DBI: variants seen among roughly 807,000 people sequenced by gnomAD.
The protein encoded by DBI is diazepam binding inhibitor, acyl-CoA binding protein.
In DBI, 12 loss-of-function variants were observed where a neutral mutation model predicts 13.0. The observed-to-expected ratio is 0.92, with a 90% confidence interval of 0.59 to 1.49. The LOEUF (loss-of-function observed/expected upper bound fraction) is 1.49, where lower values mean the gene tolerates loss of function less well. Among genes scored for constraint, DBI ranks in the 40% most tolerant of loss-of-function variants. The pLI is 0.00. For missense variants in DBI, 95 were observed against 104.8 expected (o/e 0.91, Z 0.41); for synonymous variants, 37 against 37.4 (o/e 0.99, Z 0.04).
chr2:119,372,115 T>C lies in DBI; in HGVS notation c.191-130T>C, dbSNP rs983323678. The C allele has an allele frequency of 4.4e-6, 3 of 680,438 alleles. No individual in the cohort carries two copies. In the African/African-American group the frequency reaches 5.4e-5, roughly 12 times the overall value. The allele number at this position is 680,438 out of a possible 1,614,324, so 42.2% of individuals were successfully genotyped here. A position where few individuals can be genotyped will look rare whatever the true frequency, so the allele number is the denominator to read the frequency against. ...TGTGGATACTGTCTCCTGTAATTAGTAGAATCTCAACTTTATTAAGTGAGA... is the reference window on the plus strand; with the variant it reads ...TGTGGATACTGTCTCCTGTAATTAGCAGAATCTCAACTTTATTAAGTGAGA... On this transcript the variant is annotated intron_variant, in intron 3 of 3. Coordinates refer to ENST00000355857, the MANE Select transcript of DBI (RefSeq NM_001079862.4).
intron 2 of DBI, 185 bp downstream of exon 2, chr2:119,368,490 A>G: frequency 1.7e-6 from 1 of 585,014 alleles, no homozygotes; most frequent in Non-Finnish European, 3.1e-6. Flanking sequence ...GTAGTAACAG[A>G]ATTCAAATCC....
At chr2:119,369,221 G>A (rs902498496) in intron 2 of DBI, among the ~76,000 whole-genome samples, 1 of 152,232 alleles carries the variant, frequency 6.6e-6, no homozygotes, top group African/African-American at 2.4e-5. Context: ...TCCAGGGAGG[G>A]GAAGGAAAGG....
chr2:119,370,918 C>G (rs1314196332), intron 3 of DBI, 116 bp downstream of exon 3: 1 of 882,580 alleles, frequency 1.1e-6, no homozygotes, highest in Non-Finnish European at 1.7e-6. Context: ...TGTGGGAAAC[C>G]AGCCTGACCT....
At chr2:119,371,785 G>T (rs1448526157) in intron 3 of DBI, among the ~76,000 whole-genome samples, 1 of 152,248 alleles carries the variant, frequency 6.6e-6, no homozygotes. Context: ...GGGGAGAAGA[G>T]GGTGCCTGGC....
intron 1 of DBI, 184 bp from the exon 2 acceptor site, chr2:119,368,004 A>G (rs891967202): frequency 6.2e-7 from 1 of 1,606,870 alleles, no homozygotes; most frequent in Middle Eastern, 1.7e-4. Context: ...GTGTTGCTGA[A>G]TCTTTCTAGC....
At position 119,368,489 on chromosome 2, in the gene DBI, G is replaced by A; in HGVS notation, c.127+184G>A. The A allele has an allele frequency of 5.1e-6, 3 of 586,986 alleles. No individual in the cohort carries two copies. In the South Asian group the frequency reaches 6.0e-5, roughly 12 times the overall value. 36.4% of individuals were successfully genotyped at this position (586,986 alleles called of 1,614,324 possible). A position where few individuals can be genotyped will look rare whatever the true frequency, so the allele number is the denominator to read the frequency against. On this transcript the variant is annotated intron_variant, in intron 2 of 3. Coordinates refer to ENST00000355857, the MANE Select transcript of DBI (RefSeq NM_001079862.4). ...ATTCTCAGTGTCTCCAGTAGTAACA[G>A]AATTCAAATCCTGGTTTTAGAAGGT...
At chr2:119,368,051 GGGGC>G (rs1299058099) in intron 1 of DBI, 133 bp from the exon 2 acceptor site, 1 of 1,537,060 alleles carries the variant, frequency 6.5e-7, no homozygotes, top group Non-Finnish European at 9.0e-7. Context: ...ACACACTTCA[GGGGC>G]TGCATTGCCC....
intron 2 of DBI, among the ~76,000 whole-genome samples, chr2:119,369,492 T>A (rs926634275): frequency 4.6e-5 from 7 of 152,174 alleles, no homozygotes; most frequent in African/African-American, 1.7e-4. Flanking sequence ...TATGACTATA[T>A]AAATTTTAAC....
At chr2:119,370,448 GTA>G in intron 2 of DBI, 1 of 225,350 alleles carries the variant, frequency 4.4e-6, no homozygotes, top group Non-Finnish European at 8.5e-6. Context: ...TTTTTTAATT[GTA>G]ATTAAAGTAT....
chr2:119,368,130 T>G, intron 1 of DBI, 58 bp from the exon 2 acceptor site: 1 of 1,539,920 alleles, frequency 6.5e-7, no homozygotes, highest in Non-Finnish European at 9.0e-7. Context: ...CACAGTAGGA[T>G]TCTTACCCTC....
At chr2:119,368,370 A>T (rs1681244406) in intron 2 of DBI, 65 bp downstream of exon 2, 1 of 1,201,834 alleles carries the variant, frequency 8.3e-7, no homozygotes, top group Non-Finnish European at 1.2e-6. Flanking sequence ...TCAGACTGGA[A>T]GTCCCTGGGA....
rs8192504 is a variant in DBI at position 119,368,293 on chromosome 2, G to A, written c.115G>A (p.Asp39Asn). The A allele has an allele frequency of 3.1e-3, 4,954 of 1,613,014 alleles. 47 individuals carry two copies. Among genetic ancestry groups the A allele is most frequent in the Non-Finnish European group, 2.3e-3 (2,701 of 1,179,016 alleles). Residue 39 changes from aspartate to asparagine, a missense_variant, in exon 2 of 4, where the codon GAC (aspartate) becomes AAC (asparagine). Asp to Asn is a conservative substitution (Grantham distance 23). Coordinates refer to ENST00000355857, the MANE Select transcript of DBI (RefSeq NM_001079862.4). ...YGHYKQATVGDINTERPGMLD... is the reference protein window; with the variant it reads ...YGHYKQATVGNINTERPGMLD... ...CCACTACAAACAAGCAACTGTGGGC[G>A]ACATAAATACAGGTATGCAGAGCGG...
chr2:119,367,657 C>A, intron 1 of DBI: 1 of 1,613,900 alleles, frequency 6.2e-7, no homozygotes, highest in Non-Finnish European at 8.5e-7. Flanking sequence ...CGGTGTTGAA[C>A]GCGCGGGCCC....
chr2:119,372,099 T>C (rs753301465), intron 3 of DBI, 146 bp from the exon 4 acceptor site: 16 of 629,446 alleles, frequency 2.5e-5, no homozygotes, highest in Admixed American at 2.0e-4. Flanking sequence ...CTGTGGATAC[T>C]GTCTCCTGTA....
Position 119,368,316 on chromosome 2 carries a change from CG to C in DBI, c.127+16del. On this transcript the variant is annotated intron_variant, in intron 2 of 3. Transcript: ENST00000355857. ...GCGACATAAATACAGGTATGCAGAG[CG>C]GGGGTTGGAAGGGCATCTGCTCATC... The C allele has an allele frequency of 6.2e-7, 1 of 1,600,322 alleles. No homozygotes were observed. Among genetic ancestry groups the C allele is most frequent in the Non-Finnish European group, 8.6e-7 (1 of 1,167,510 alleles).
chr2:119,367,064 C>T lies in DBI; in HGVS notation c.9+4C>T, dbSNP rs1408938500. 1 of 1,614,052 alleles carries T rather than the reference C, an allele frequency of 6.2e-7. No individual in the cohort carries two copies. Among genetic ancestry groups the T allele is most frequent in the South Asian group, 1.1e-5 (1 of 91,080 alleles). ...CAAGTCGGCCAGGATGTCTCAGGTA[C>T]AGCGCGTGCACAGCCAGGCTGCGAA... is the stretch of plus-strand genomic sequence containing the variant. On this transcript the variant is annotated splice_donor_region_variant and intron_variant, in intron 1 of 3. Coordinates refer to ENST00000355857, the MANE Select transcript of DBI (RefSeq NM_001079862.4).
chr2:119,371,268 A>G (rs1573729037), intron 3 of DBI, among the ~76,000 whole-genome samples: 1 of 152,196 alleles, frequency 6.6e-6, no homozygotes, highest in South Asian at 2.1e-4. Context: ...GGCTCAGTGA[A>G]TGGAGCCATT....
In DBI at chr2:119,367,067, C is replaced by G; in HGVS notation, c.9+7C>G. 6.2e-7 allele frequency: 1 copy of G among 1,614,014 alleles called. No homozygotes were observed. The highest frequency in any genetic ancestry group is 8.5e-7 in the Non-Finnish European group (1 of 1,179,974). On this transcript the variant is annotated splice_region_variant and intron_variant, in intron 1 of 3. Transcript: ENST00000355857. ...GTCGGCCAGGATGTCTCAGGTACAG[C>G]GCGTGCACAGCCAGGCTGCGAAGGT...
Position 119,369,026 on chromosome 2 carries a change from C to T in DBI, c.127+721C>T, listed in dbSNP as rs1681311866. Among the ~76,000 whole-genome samples, 3 of 152,174 alleles carry T rather than the reference C, an allele frequency of 2.0e-5. No homozygotes were observed. The South Asian group carries it at 6.2e-4, about 32-fold the overall frequency. ...AAGGCGAGCATGGTCCCTATTTCCG[C>T]AGTAGCTGGGGTGGAAGATGGAGCA... is the stretch of plus-strand genomic sequence containing the variant. On this transcript the variant is annotated intron_variant, in intron 2 of 3. Coordinates refer to ENST00000355857, the MANE Select transcript of DBI (RefSeq NM_001079862.4).
Sources: allele counts gnomAD v4.1 joint callset (sites outside exome capture counted in the v4.1 genomes callset), GRCh38; gene constraint gnomAD v4.1.1; transcripts MANE v1.5; gene names NCBI Gene and HGNC (gene_info 2026-07-23, HGNC 2026-07-21).